Variants in GPM6A observed in about 807,000 individuals in gnomAD.
GPM6A encodes the protein glycoprotein M6A.
Under a neutral mutation model 32.1 loss-of-function variants are expected in GPM6A, and 7 were observed. The ratio of observed to expected loss-of-function variants is 0.22; its 90% CI spans 0.12 to 0.41. The LOEUF is 0.41. GPM6A is among the 10% of genes least tolerant of loss of function. The pLI, the probability that GPM6A is intolerant of heterozygous loss-of-function variation, is 1.00. For synonymous variants in GPM6A, 130 were observed against 123.4 expected (o/e 1.05, Z -0.35); for missense variants, 235 against 347.2 (o/e 0.68, Z 2.57).
chr4:175,674,602 T>A (rs1348620655), intron 2 of GPM6A, among the ~76,000 whole-genome samples: 1 of 152,256 alleles, frequency 6.6e-6, no homozygotes, highest in African/African-American at 2.4e-5. Flanking sequence ...GCTTTATACT[T>A]AATGATGCAG....
At chr4:175,679,684 C>T (rs1743573358) in intron 2 of GPM6A, among the ~76,000 whole-genome samples, 1 of 152,132 alleles carries the variant, frequency 6.6e-6, no homozygotes, top group Non-Finnish European at 1.5e-5. Context: ...CCCTTTTCCC[C>T]CATTTATTGA....
In GPM6A at chr4:175,905,865, AAG is replaced by A. The variant is rs373071353; in HGVS notation, c.-22-93618_-22-93617del. Among the ~76,000 whole-genome samples the A allele has an allele frequency of 7.4e-3, 1,132 of 152,244 alleles. 15 individuals are homozygous for A. Among genetic ancestry groups the A allele is most frequent in the African/African-American group, 0.026 (1,076 of 41,556 alleles). On this transcript the variant is annotated intron_variant, in intron 1 of 7. Coordinates refer to the GPM6A transcript ENST00000280187. ...TTTGTCCTTTCGTCATTAAGAAAAA[AAG>A]AGCATTTTTGTAGACTTTTACTAAA...
chr4:175,636,301 T>TAC (rs1384081196), intron 6 of GPM6A, among the ~76,000 whole-genome samples: 128 of 130,666 alleles, frequency 9.8e-4, no homozygotes, highest in African/African-American at 3.6e-3. Flanking sequence ...TATATATACA[T>TAC]ATATATATGG....
intron 1 of GPM6A, among the ~76,000 whole-genome samples, chr4:175,971,173 T>G (rs1378473067): frequency 6.6e-6 from 1 of 151,916 alleles, no homozygotes; most frequent in African/African-American, 2.4e-5. Flanking sequence ...AGCCCTAATA[T>G]CTTAGTGGTT....
intron 1 of GPM6A, among the ~76,000 whole-genome samples, chr4:175,731,286 C>T (rs553410934): frequency 1.3e-5 from 2 of 152,092 alleles, no homozygotes; most frequent in Non-Finnish European, 2.9e-5. Context: ...GATGCACAGC[C>T]GGTCCGTGTA....
In GPM6A at chr4:175,887,199, C is replaced by T. The variant is rs574052855; in HGVS notation, c.-22-74950G>A. On this transcript the variant is annotated intron_variant, in intron 1 of 7. Coordinates refer to the GPM6A transcript ENST00000280187. ...TCAATTATCAAGCCATAAACTAAGT[C>T]ACAACAGCTGCCAAAAAATTTATAT... is the stretch of plus-strand genomic sequence containing the variant. Among the ~76,000 whole-genome samples the T allele has an allele frequency of 8.6e-5, 13 of 151,988 alleles. No individual in the cohort carries two copies. In the South Asian group the frequency reaches 2.7e-3, roughly 32 times the overall value.
chr4:175,971,796 T>C (rs7686388), intron 1 of GPM6A: 147,599 of 152,294 alleles, frequency 0.97, 71,700 homozygotes, highest in East Asian at 1. Context: ...GTTGAAATCA[T>C]CAATAAGGAA....
intron 1 of GPM6A, among the ~76,000 whole-genome samples, chr4:175,938,514 C>CT (rs1739310003): frequency 6.6e-6 from 1 of 151,872 alleles, no homozygotes; most frequent in Non-Finnish European, 1.5e-5. Flanking sequence ...TGATGATGAG[C>CT]TTTTTTTTCT....
chr4:175,934,403 T>C (rs1181070419), intron 1 of GPM6A, among the ~76,000 whole-genome samples: 5 of 152,224 alleles, frequency 3.3e-5, no homozygotes, highest in Non-Finnish European at 4.4e-5. Context: ...ATTTACCTAC[T>C]GGTTAAAAAC....
intron 1 of GPM6A, among the ~76,000 whole-genome samples, chr4:175,936,138 T>C (rs1294604333): frequency 2.6e-5 from 4 of 151,362 alleles, no homozygotes; most frequent in South Asian, 2.1e-4. Flanking sequence ...ACCCCGTCTC[T>C]ACTAAAAATT....
chr4:175,991,231 AT>A (rs1554007435), intron 1 of GPM6A, among the ~76,000 whole-genome samples: 12,307 of 118,968 alleles, frequency 0.1, 587 homozygotes, highest in African/African-American at 0.14. Context: ...ACTCCCAGCT[AT>A]TTTTTTTTTT....
chr4:175,745,107 A>G (rs1732047792), intron 1 of GPM6A, among the ~76,000 whole-genome samples: 1 of 152,128 alleles, frequency 6.6e-6, no homozygotes, highest in Non-Finnish European at 1.5e-5. Context: ...AAATACTCTG[A>G]GAGTATCATG....
chr4:175,710,780 T>C (rs1461241425), intron 1 of GPM6A, among the ~76,000 whole-genome samples: 5 of 152,218 alleles, frequency 3.3e-5, no homozygotes, highest in South Asian at 2.1e-4. Context: ...CTTTTGTTAC[T>C]ATTATTGTTC....
intron 1 of GPM6A, among the ~76,000 whole-genome samples, chr4:175,714,281 A>G (rs964889952): frequency 1.3e-5 from 2 of 152,364 alleles, no homozygotes; most frequent in East Asian, 3.9e-4. Flanking sequence ...AGAAATTTGA[A>G]CGAATGATTA....
intron 1 of GPM6A, among the ~76,000 whole-genome samples, chr4:175,825,587 GT>G (rs753069372): frequency 7.9e-5 from 12 of 152,142 alleles, no homozygotes; most frequent in Non-Finnish European, 1.5e-4. Context: ...AGTGAAGAGT[GT>G]TTTAGAGGCT....
intron 1 of GPM6A, among the ~76,000 whole-genome samples, chr4:175,953,772 G>T (rs1250488546): frequency 6.6e-6 from 1 of 152,116 alleles, no homozygotes; most frequent in Non-Finnish European, 1.5e-5. Context: ...GGTGGCACAT[G>T]CCTGTAGTCC....
At chr4:175,683,070 G>A (rs1743777390) in intron 2 of GPM6A, among the ~76,000 whole-genome samples, 1 of 152,200 alleles carries the variant, frequency 6.6e-6, no homozygotes, top group Non-Finnish European at 1.5e-5. Context: ...TGTGAGAGCA[G>A]CCACAGGAGT....
Position 175,820,475 on chromosome 4 carries a change from G to A in GPM6A, c.-22-8226C>T, listed in dbSNP as rs180845164. ...TACACACCATAGTTAGTATTGTTTT[G>A]TAGGTTTTCTTTTTTCTTTTCTTTC... is the stretch of plus-strand genomic sequence containing the variant. On this transcript the variant is annotated intron_variant, in intron 1 of 7. Coordinates refer to the GPM6A transcript ENST00000280187. Among the ~76,000 whole-genome samples the A allele has an allele frequency of 4.8e-5, 7 of 144,642 alleles. No homozygotes were observed. The East Asian group carries it at 8.1e-4, about 17-fold the overall frequency. 94.9% of individuals were successfully genotyped at this position (144,642 alleles called of 152,430 possible).
chr4:175,721,377 G>T (rs1746125313), intron 1 of GPM6A, among the ~76,000 whole-genome samples: 1 of 151,674 alleles, frequency 6.6e-6, no homozygotes. Context: ...TCGGGAGGCT[G>T]AGGCAGGAGA....
Sources: allele counts gnomAD v4.1 joint callset (sites outside exome capture counted in the v4.1 genomes callset), GRCh38; gene constraint gnomAD v4.1.1; transcripts MANE v1.5; gene names NCBI Gene and HGNC (gene_info 2026-07-23, HGNC 2026-07-21).